The following PMPCB variants were observed in gnomAD, a reference collection of about 807,000 sequenced individuals.
The protein encoded by PMPCB is mitochondrial-processing peptidase subunit beta.
Under a neutral mutation model 61.5 loss-of-function variants are expected in PMPCB, and 46 were observed. The ratio of observed to expected loss-of-function variants is 0.75; its 90% CI spans 0.59 to 0.96. PMPCB has a LOEUF of 0.96. Ranked by LOEUF, PMPCB falls within the 40% of genes least tolerant of loss-of-function variation. PMPCB has a pLI of 0.00. For missense variants in PMPCB, 590 were observed against 602.4 expected (o/e 0.98, Z 0.22); for synonymous variants, 191 against 201.6 (o/e 0.95, Z 0.44).
Position 103,312,910 on chromosome 7 carries a change from TA to T in PMPCB, c.*643del. ...GAGCTATATCACCCAAGCTACAATT[TA>T]AAATACAACAATCTATAAACGCTTA... On this transcript the variant is annotated 3_prime_UTR_variant, in exon 13 of 13. Transcript: ENST00000249269. 2 of 1,587,544 alleles carry T rather than the reference TA, an allele frequency of 1.3e-6. No homozygotes were observed. Among genetic ancestry groups the T allele is most frequent in the Non-Finnish European group, 1.7e-6 (2 of 1,171,520 alleles).
intron 9 of PMPCB, 184 bp downstream of exon 9, chr7:103,310,659 G>T: frequency 2.4e-5 from 8 of 334,146 alleles, no homozygotes; most frequent in Admixed American, 9.4e-5. Context: ...ATGTGAAGCT[G>T]ATTTATACTA....
intron 2 of PMPCB, 131 bp downstream of exon 2, chr7:103,298,839 C>A: frequency 1.2e-6 from 1 of 816,894 alleles, no homozygotes; most frequent in Non-Finnish European, 1.9e-6. Flanking sequence ...GACAGATTTC[C>A]ATGAGTTGTG....
chr7:103,324,644 CAAT>C, intron 12 of PMPCB: 1 of 1,182,322 alleles, frequency 8.5e-7, no homozygotes, highest in South Asian at 2.0e-5. Context: ...TTATTAAAAA[CAAT>C]AATTTTTACT....
Position 103,310,459 on chromosome 7 carries a change from G to C in PMPCB, c.1138G>C (p.Val380Leu). Reference protein sequence around the residue: ...ESSTVADMLHVVQKEWMRLCT... With the variant: ...ESSTVADMLHLVQKEWMRLCT... ...ATCCACTGTTGCAGACATGCTACAT[G>C]TTGTTCAAAAAGAATGGTGAGAAAA... The change falls in exon 9 of 13, where the codon GTT (valine) becomes CTT (leucine). Residue 380 changes from valine to leucine, a missense_variant. Val to Leu is a conservative substitution (Grantham distance 32). Transcript: ENST00000249269. 1 of 1,602,514 alleles carries C rather than the reference G, an allele frequency of 6.2e-7. No homozygotes were observed.
Position 103,312,435 on chromosome 7 carries a change from T to C in PMPCB, c.*164T>C. ...TCTGAAGGTTGTTTTGTATTAATGG[T>C]CAGTCTTTGTTCTCTGAGAAATTAT... is the stretch of plus-strand genomic sequence containing the variant. On this transcript the variant is annotated 3_prime_UTR_variant, in exon 13 of 13. Transcript: ENST00000249269. 1 of 1,513,366 alleles carries C rather than the reference T, an allele frequency of 6.6e-7. No homozygotes were observed. The highest frequency in any genetic ancestry group is 8.8e-7 in the Non-Finnish European group (1 of 1,140,140). The allele number at this position is 1,513,366 out of a possible 1,614,324, so 93.7% of individuals were successfully genotyped here.
chr7:103,297,864 G>A, intron 1 of PMPCB: 2 of 1,454,862 alleles, frequency 1.4e-6, no homozygotes, highest in African/African-American at 1.4e-5. Flanking sequence ...AAACTAAAAA[G>A]TGAAATGGGT....
intron 9 of PMPCB, chr7:103,311,384 G>T (rs1469969651): frequency 6.1e-6 from 3 of 493,448 alleles, no homozygotes; most frequent in Non-Finnish European, 1.1e-5. Flanking sequence ...GAAGTCTCAA[G>T]ATGCTTATAG....
chr7:103,325,887 G>C (rs1818677535), intron 12 of PMPCB, among the ~76,000 whole-genome samples: 1 of 152,116 alleles, frequency 6.6e-6, no homozygotes, highest in Admixed American at 6.5e-5. Context: ...CAATGAGTCA[G>C]AGAGTAGTAT....
At chr7:103,297,818 T>G (rs993476160) in intron 1 of PMPCB, 1 of 1,520,914 alleles carries the variant, frequency 6.6e-7, no homozygotes, top group South Asian at 1.2e-5. Flanking sequence ...GAGTGCATGT[T>G]TGACCACTAA....
intron 12 of PMPCB, chr7:103,322,377 A>G (rs1047501505): frequency 2.9e-5 from 28 of 968,880 alleles, no homozygotes; most frequent in Non-Finnish European, 2.7e-5. Flanking sequence ...CCAACTGGTC[A>G]TGATTCATTC....
rs1481769253 is a variant in PMPCB at position 103,299,532 on chromosome 7, AAG to A, written c.327+4_327+5del. 3.1e-5 allele frequency: 50 copies of A among 1,591,828 alleles called. No individual in the cohort carries two copies. Among genetic ancestry groups the A allele is most frequent in the Non-Finnish European group, 4.2e-5 (49 of 1,161,224 alleles). ...TTCTGGAGCATATGGCTTTCAAGGC[AAG>A]TTGTAAGACTTTACAAAAATGCACT... On this transcript the variant is annotated splice_donor_5th_base_variant and intron_variant, in intron 3 of 12. Transcript: ENST00000249269.
rs554488148 is a variant in PMPCB at position 103,323,965 on chromosome 7, G to A, written c.*1432-4966G>A. On this transcript the variant is annotated intron_variant and NMD_transcript_variant, in intron 12 of 12. Transcript: ENST00000444457. ...ATTTCGCTAGTCTGTCAAGTCTGAAGGTAACCCTAGTAGTGGTTATCTCAT... is the reference window on the plus strand; with the variant it reads ...ATTTCGCTAGTCTGTCAAGTCTGAAAGTAACCCTAGTAGTGGTTATCTCAT... Among the ~76,000 whole-genome samples the A allele has an allele frequency of 2.6e-5, 4 of 152,288 alleles. No homozygotes were observed. The East Asian group carries it at 5.8e-4, about 22-fold the overall frequency.
chr7:103,325,447 A>G (rs373617886), intron 12 of PMPCB, among the ~76,000 whole-genome samples: 4 of 94,378 alleles, frequency 4.2e-5, no homozygotes, highest in Non-Finnish European at 1.2e-4. Context: ...AAAATAAAAA[A>G]GGAAAAAAAA....
At chr7:103,315,700 T>G, downstream of PMPCB, 1 of 1,088,598 alleles carries the variant, frequency 9.2e-7, no homozygotes, top group South Asian at 1.3e-5. Flanking sequence ...ACCCTAAGTC[T>G]TGTACGTCCA....
chr7:103,298,424 G>T (rs188706027), intron 1 of PMPCB, 144 bp from the exon 2 acceptor site: 91 of 796,508 alleles, frequency 1.1e-4, no homozygotes, highest in Admixed American at 4.5e-4. Context: ...GCCAGGCAGA[G>T]ATCTCAGTGG....
Position 103,303,961 on chromosome 7 carries a change from G to A in PMPCB, c.577G>A (p.Val193Ile). 1 of 1,613,942 alleles carries A rather than the reference G, an allele frequency of 6.2e-7. No individual in the cohort carries two copies. Among genetic ancestry groups the A allele is most frequent in the Non-Finnish European group, 8.5e-7 (1 of 1,179,852 alleles). The change falls in exon 5 of 13, where the codon GTT (valine) becomes ATT (isoleucine). Residue 193 changes from valine to isoleucine, a missense_variant. Coordinates refer to ENST00000249269, the MANE Select transcript of PMPCB (RefSeq NM_004279.3). ...QEVETNLQEV[V>I]FDYLHATAYQ... Reference sequence around the variant, plus strand: ...AGTTGAAACCAATTTACAAGAAGTTGTTTTTGATTATCTTCATGCCACAGC... The same window carrying A: ...AGTTGAAACCAATTTACAAGAAGTTATTTTTGATTATCTTCATGCCACAGC...
downstream of PMPCB, among the ~76,000 whole-genome samples, chr7:103,333,616 C>T (rs187188869): frequency 6.6e-6 from 1 of 152,152 alleles, no homozygotes; most frequent in Admixed American, 6.5e-5. Flanking sequence ...AAATATAGGC[C>T]GTTTCCATCA....
the PMPCB span, among the ~76,000 whole-genome samples, chr7:103,346,253 C>T: frequency 3.3e-5 from 5 of 152,132 alleles, no homozygotes; most frequent in East Asian, 5.8e-4. Flanking sequence ...CTGCCTCAGC[C>T]TCCCGAGTAG....
At chr7:103,310,004 C>T (rs995609265) in intron 8 of PMPCB, among the ~76,000 whole-genome samples, 1 of 152,280 alleles carries the variant, frequency 6.6e-6, no homozygotes, top group African/African-American at 2.4e-5. Context: ...AATCTTTAAG[C>T]GTATGTAGCC....
Sources: gnomAD v4.1 joint callset for allele counts (sites outside exome capture counted in the v4.1 genomes callset) on GRCh38, gnomAD v4.1.1 for gene constraint, MANE v1.5 for transcripts, NCBI Gene and HGNC (gene_info 2026-07-23, HGNC 2026-07-21) for gene names.